Variants in KCNIP4 observed in about 807,000 individuals in gnomAD.
The protein encoded by KCNIP4 is Kv channel-interacting protein 4.
In KCNIP4, 12 loss-of-function variants were observed where a neutral mutation model predicts 34.0. The observed-to-expected ratio is 0.35, with a 90% CI of 0.23 to 0.57. The LOEUF is 0.57. Among genes scored for constraint, KCNIP4 ranks in the 20% least tolerant of loss-of-function variants. KCNIP4 has a pLI of 0.83. For missense variants in KCNIP4, 238 were observed against 311.7 expected, an observed-to-expected ratio of 0.76 and a Z score of 1.78; for synonymous variants, 124 against 102.2, an observed-to-expected ratio of 1.21 and a Z score of -1.29.
intron 1 of KCNIP4, among the ~76,000 whole-genome samples, chr4:21,942,266 G>A (rs1396785691): frequency 6.6e-6 from 1 of 152,214 alleles, no homozygotes; most frequent in East Asian, 1.9e-4. Flanking sequence ...TAATGGTGGT[G>A]GATGTGGTGG....
At chr4:21,316,084 T>C (rs1241946248) in intron 1 of KCNIP4, among the ~76,000 whole-genome samples, 3 of 152,220 alleles carry the variant, frequency 2.0e-5, no homozygotes, top group African/African-American at 7.2e-5. Context: ...AGAATCAGCT[T>C]AAATCCTTCC....
At chr4:21,911,730 TG>T (rs931382421) in intron 1 of KCNIP4, among the ~76,000 whole-genome samples, 42 of 151,710 alleles carry the variant, frequency 2.8e-4, no homozygotes, top group African/African-American at 1.0e-3. Flanking sequence ...CTTTAGTACT[TG>T]GTGCTTGGTC....
rs547947022 is a variant in KCNIP4, at chr4:21,366,278, A to G, written c.62-483569T>C. On this transcript the variant is annotated intron_variant, in intron 1 of 8. Coordinates refer to ENST00000382152, the MANE Select transcript of KCNIP4 (RefSeq NM_025221.6). ...GAGCTATCCTCTTTAAAAAAATAAAAAAAACATACTCCAGCCTACAACCCG... is the reference window on the plus strand; with the variant it reads ...GAGCTATCCTCTTTAAAAAAATAAAGAAAACATACTCCAGCCTACAACCCG... 8.5e-5 allele frequency among the ~76,000 whole-genome samples: 13 copies of G among 152,258 alleles called. 1 individual carries two copies. Among genetic ancestry groups the G allele is most frequent in the African/African-American group, 3.1e-4 (13 of 41,556 alleles).
At chr4:21,543,091 A>G (rs1737840823) in intron 1 of KCNIP4, among the ~76,000 whole-genome samples, 1 of 152,064 alleles carries the variant, frequency 6.6e-6, no homozygotes, top group Non-Finnish European at 1.5e-5. Flanking sequence ...AAAAATGTAT[A>G]TAATATTACA....
At chr4:21,901,652 T>G in intron 1 of KCNIP4, among the ~76,000 whole-genome samples, 1 of 152,328 alleles carries the variant, frequency 6.6e-6, no homozygotes, top group Middle Eastern at 3.4e-3. Context: ...CTTTTATTTT[T>G]AGAATAATAA....
At chr4:21,928,293 A>G (rs532153791) in intron 1 of KCNIP4, among the ~76,000 whole-genome samples, 1 of 152,186 alleles carries the variant, frequency 6.6e-6, no homozygotes, top group African/African-American at 2.4e-5. Flanking sequence ...ATGACTTCAC[A>G]ATACTCACAC....
intron 1 of KCNIP4, among the ~76,000 whole-genome samples, chr4:21,168,571 G>C (rs1560777297): frequency 6.6e-6 from 1 of 152,110 alleles, no homozygotes; most frequent in Non-Finnish European, 1.5e-5. Flanking sequence ...TATATCCAAA[G>C]ATCTGTTATC....
intron 1 of KCNIP4, among the ~76,000 whole-genome samples, chr4:21,358,393 T>C (rs1237816709): frequency 6.6e-6 from 1 of 152,164 alleles, no homozygotes; most frequent in Admixed American, 6.5e-5. Context: ...AGCACATGCT[T>C]AGTTGTGCAT....
At chr4:21,414,567 G>A (rs1047390416) in intron 1 of KCNIP4, among the ~76,000 whole-genome samples, 3 of 152,074 alleles carry the variant, frequency 2.0e-5, no homozygotes, top group Admixed American at 1.3e-4. Context: ...ATATGATACA[G>A]CAATTCACTT....
At chr4:21,836,050 A>G (rs1489846962) in intron 1 of KCNIP4, among the ~76,000 whole-genome samples, 1 of 152,180 alleles carries the variant, frequency 6.6e-6, no homozygotes, top group African/African-American at 2.4e-5. Flanking sequence ...TTAAGCCAAA[A>G]TTCAGGAACC....
At chr4:20,818,617 T>C (rs1716716121) in intron 3 of KCNIP4, among the ~76,000 whole-genome samples, 1 of 152,164 alleles carries the variant, frequency 6.6e-6, no homozygotes, top group South Asian at 2.1e-4. Context: ...AGGATGTGTG[T>C]AGTGCTGTTG....
chr4:21,547,677 A>C (rs1174704466), intron 1 of KCNIP4, among the ~76,000 whole-genome samples: 1 of 152,116 alleles, frequency 6.6e-6, no homozygotes, highest in Non-Finnish European at 1.5e-5. Flanking sequence ...TCTCAGATAC[A>C]TAAGGCCGAA....
At chr4:21,021,945 T>C (rs1333669491) in intron 1 of KCNIP4, among the ~76,000 whole-genome samples, 1 of 152,016 alleles carries the variant, frequency 6.6e-6, no homozygotes, top group East Asian at 1.9e-4. Flanking sequence ...GTATTATCAT[T>C]AGCAAATATT....
At chr4:21,437,960 T>C (rs1271192074) in intron 1 of KCNIP4, among the ~76,000 whole-genome samples, 1 of 151,854 alleles carries the variant, frequency 6.6e-6, no homozygotes, top group Non-Finnish European at 1.5e-5. Context: ...CTGATTTAAC[T>C]TTCATGCTCT....
chr4:20,894,282 T>G (rs1726265396), intron 1 of KCNIP4, among the ~76,000 whole-genome samples: 1 of 152,234 alleles, frequency 6.6e-6, no homozygotes, highest in Admixed American at 6.5e-5. Context: ...AGGTTGATTC[T>G]TCTGATGGCG....
intron 1 of KCNIP4, among the ~76,000 whole-genome samples, chr4:21,203,401 A>T (rs1756631214): frequency 8.3e-6 from 1 of 119,934 alleles, no homozygotes. Flanking sequence ...AGCCCAAATC[A>T]TAGTTTTTAA....
At chr4:21,763,130 T>G (rs1216250553) in intron 1 of KCNIP4, 1 of 1,280,874 alleles carries the variant, frequency 7.8e-7, no homozygotes, top group East Asian at 5.6e-5. Context: ...CAGACAATAA[T>G]TCCTTCACTG....
In KCNIP4 at chr4:21,134,463, C is replaced by T. The variant is rs191569523; in HGVS notation, c.62-251754G>A. Reference sequence around the variant, plus strand: ...GCCAAAAGTATGTCATTACTAGTTACGTTTTGGAGGAATCAAACGTTATAC... The same window carrying T: ...GCCAAAAGTATGTCATTACTAGTTATGTTTTGGAGGAATCAAACGTTATAC... On this transcript the variant is annotated intron_variant, in intron 1 of 8. Coordinates refer to ENST00000382152, the MANE Select transcript of KCNIP4 (RefSeq NM_025221.6). Among the ~76,000 whole-genome samples the T allele has an allele frequency of 6.9e-4, 105 of 152,222 alleles. 1 individual carries two copies. Among genetic ancestry groups the T allele is most frequent in the Non-Finnish European group, 1.3e-3 (90 of 68,012 alleles).
At chr4:20,788,035 A>T (rs896162775) in intron 3 of KCNIP4, among the ~76,000 whole-genome samples, 11 of 151,998 alleles carry the variant, frequency 7.2e-5, no homozygotes, top group African/African-American at 2.7e-4. Flanking sequence ...TCTTTCCTGA[A>T]CACCTTTCAC....
Sources: allele counts gnomAD v4.1 joint callset (sites outside exome capture counted in the v4.1 genomes callset), GRCh38; gene constraint gnomAD v4.1.1; transcripts MANE v1.5; gene names NCBI Gene and HGNC (gene_info 2026-07-23, HGNC 2026-07-21).